NIPAL3: variants seen among roughly 807,000 people sequenced by gnomAD.
NIPAL3 encodes the protein NIPA-like protein 3.
NIPAL3 carries 41 observed loss-of-function variants against 47.2 expected under a neutral mutation model. The ratio of observed to expected loss-of-function variants is 0.87; its 90% CI spans 0.68 to 1.13. The LOEUF (loss-of-function observed/expected upper bound fraction) is 1.13. NIPAL3 is among the 50% of genes most tolerant of loss of function. NIPAL3 has a pLI of 0.00. For synonymous variants in NIPAL3, 194 were observed against 209.6 expected (o/e 0.93, Z 0.64); for missense variants, 449 against 530.1 (o/e 0.85, Z 1.50).
intron 2 of NIPAL3, among the ~76,000 whole-genome samples, chr1:24,431,367 G>A (rs144383187): frequency 2.4e-4 from 37 of 152,252 alleles, no homozygotes; most frequent in African/African-American, 8.9e-4. Context: ...AAATGAGAAA[G>A]CGGAACATAC....
intron 2 of NIPAL3, among the ~76,000 whole-genome samples, chr1:24,425,333 C>G (rs1164335246): frequency 1.3e-5 from 2 of 152,032 alleles, no homozygotes; most frequent in African/African-American, 4.8e-5. Flanking sequence ...TTTTTAAGCT[C>G]ATCAGTGGCT....
chr1:24,416,467 G>A lies in NIPAL3; in HGVS notation c.-258+563G>A, dbSNP rs533783754. ...GATTTGTTCAGAAAGAGGCAAATTC[G>A]AATACAGACGCTATGAGCCACGGCT... On this transcript the variant is annotated intron_variant, in intron 1 of 11. Transcript: ENST00000374399. The surrounding 1 kb of genome is among the most constrained non-coding windows in gnomAD (Gnocchi z 4.8). The A allele has an allele frequency of 5.8e-5, 21 of 359,278 alleles. No individual in the cohort carries two copies. The highest frequency in any genetic ancestry group is 8.1e-5 in the Non-Finnish European group (21 of 257,908). The allele number at this position is 359,278 out of a possible 1,614,324, so 22.3% of individuals were successfully genotyped here. A position where few individuals can be genotyped will look rare whatever the true frequency, so the allele number is the denominator to read the frequency against.
In NIPAL3 at chr1:24,466,087, T is replaced by G. The variant is rs748635850; in HGVS notation, c.1021+1967T>G. ...ACCACATCACAATTTGGAGAGCCTT[T>G]GAGTAATTCAAGCACCTGAAAGACT... is the stretch of plus-strand genomic sequence containing the variant. On this transcript the variant is annotated intron_variant, in intron 11 of 11. Transcript: ENST00000374399. 1.9e-6 allele frequency: 3 copies of G among 1,611,144 alleles called. No individual in the cohort carries two copies. The South Asian group carries it at 3.3e-5, about 18-fold the overall frequency.
At position 24,472,488 on chromosome 1, in the gene NIPAL3, A is replaced by G. The variant is rs1646937500; in HGVS notation, c.*3303A>G. 1 of 152,166 alleles carries G rather than the reference A, an allele frequency of 6.6e-6. No individual in the cohort carries two copies. The highest frequency in any genetic ancestry group is 6.5e-5 in the Admixed American group (1 of 15,268). 9.4% of individuals were successfully genotyped at this position (152,166 alleles called of 1,614,324 possible). ...TCCCCAAGCCCTCTTGAATGTTGCA[A>G]GCAATGTTAAATATCACACCTCGGT... On this transcript the variant is annotated 3_prime_UTR_variant, in exon 12 of 12. Coordinates refer to ENST00000374399, the MANE Select transcript of NIPAL3 (RefSeq NM_020448.5).
chr1:24,423,703 G>A (rs765028563), intron 2 of NIPAL3, among the ~76,000 whole-genome samples: 3 of 152,194 alleles, frequency 2.0e-5, no homozygotes, highest in Non-Finnish European at 4.4e-5. Context: ...TTGGTTAGAA[G>A]CAGAGGGCAT....
chr1:24,443,507 C>T (rs570256046), intron 4 of NIPAL3, among the ~76,000 whole-genome samples: 9 of 152,312 alleles, frequency 5.9e-5, no homozygotes, highest in Non-Finnish European at 8.8e-5. Flanking sequence ...AGGCAGACAT[C>T]GTTAATCAAT....
intron 2 of NIPAL3, among the ~76,000 whole-genome samples, chr1:24,434,227 G>T (rs1645001736): frequency 6.6e-6 from 1 of 151,892 alleles, no homozygotes; most frequent in South Asian, 2.1e-4. Flanking sequence ...GACACAAATA[G>T]ATTGAAAGTA....
intron 6 of NIPAL3, 60 bp from the exon 7 acceptor site, chr1:24,453,348 C>T (rs1392821654): frequency 1.6e-6 from 2 of 1,219,344 alleles, no homozygotes; most frequent in Non-Finnish European, 2.4e-6. Context: ...CCACCAGGGT[C>T]TCCCGGTCTC....
rs994533119 is a variant in NIPAL3, at chr1:24,449,593, G to T, written c.507G>T (p.Arg169Ser). 5 of 1,613,960 alleles carry T rather than the reference G, an allele frequency of 3.1e-6. No homozygotes were observed. The highest frequency in any genetic ancestry group is 4.2e-6 in the Non-Finnish European group (5 of 1,180,004). Residue 169 changes from arginine (R) to serine (S), a missense_variant, in exon 6 of 12, where the codon AGG (arginine) becomes AGT (serine). By Grantham distance (110) the Arg-to-Ser change is moderately radical. Transcript: ENST00000374399. This position sits in a 1 kb window ranked among gnomAD's most constrained non-coding sequence, Gnocchi z 4.5. ...HEKMTGENVT[R>S]HLVSWPFLLY... The stretch of plus-strand genomic sequence containing the variant: ...AGATGACAGGCGAGAATGTCACCAG[G>T]CACCTCGTGAGCTGGCCTTTCCTTT...
chr1:24,419,364 G>A lies in NIPAL3; in HGVS notation c.-184G>A. The A allele has an allele frequency of 7.7e-7, 1 of 1,302,770 alleles. No individual in the cohort carries two copies. 80.7% of individuals were successfully genotyped at this position (1,302,770 alleles called of 1,614,324 possible). On this transcript the variant is annotated 5_prime_UTR_variant, in exon 2 of 12. It adds an upstream start codon to the 5' untranslated region. Transcript: ENST00000374399. ...GCCACGGAAATTGGCACTTCTCTGA[G>A]TGAAGCTGAGGAGAAGGCTGTAAAT...
At chr1:24,468,706 G>A (rs937850058) in intron 11 of NIPAL3, among the ~76,000 whole-genome samples, 6 of 152,136 alleles carry the variant, frequency 3.9e-5, no homozygotes, top group Admixed American at 3.9e-4. Context: ...GGCCCACACC[G>A]ACATTCCCAC....
chr1:24,444,702 G>A (rs1475610569), intron 4 of NIPAL3, among the ~76,000 whole-genome samples: 1 of 152,142 alleles, frequency 6.6e-6, no homozygotes, highest in Admixed American at 6.5e-5. Context: ...ATCTGTGAAC[G>A]TGTAAGAGCC....
rs1646823962 is a variant in NIPAL3, at chr1:24,469,184, G to A, written c.1220G>A (p.Ter407=). The change falls in exon 12 of 12, where the codon TGA becomes TAA. Residue 407 remains the stop codon, a stop_retained_variant. Coordinates refer to ENST00000374399, the MANE Select transcript of NIPAL3 (RefSeq NM_020448.5). ...GTCCTAGAGCACACCAAGAAGGAAT[G>A]AGACTCGCCTCCCTCTATTTATAAC... ...YRVLEHTKKE[*] 1.2e-6 allele frequency: 2 copies of A among 1,612,914 alleles called. No individual in the cohort carries two copies. The highest frequency in any genetic ancestry group is 1.7e-5 in the Admixed American group (1 of 59,964).
upstream of NIPAL3, chr1:24,415,164 A>G (rs1031373463): frequency 6.6e-6 from 1 of 152,238 alleles, no homozygotes; most frequent in African/African-American, 2.4e-5. Context: ...GTAAAACTCC[A>G]TGCGCATGTT....
At chr1:24,441,387 CATG>C (rs1312212392) in intron 3 of NIPAL3, among the ~76,000 whole-genome samples, 3 of 152,330 alleles carry the variant, frequency 2.0e-5, no homozygotes, top group Non-Finnish European at 4.4e-5. Flanking sequence ...CAGCCCACAT[CATG>C]ATCCTCCCCA....
chr1:24,415,089 C>T (rs1643957422), upstream of NIPAL3: 1 of 152,174 alleles, frequency 6.6e-6, no homozygotes, highest in African/African-American at 2.4e-5. Flanking sequence ...TCACTCATGG[C>T]TGTGACGATC....
intron 5 of NIPAL3, among the ~76,000 whole-genome samples, chr1:24,445,579 T>C (rs766595765): frequency 9.2e-5 from 14 of 152,206 alleles, no homozygotes; most frequent in Non-Finnish European, 2.1e-4. Flanking sequence ...CAAACACAGA[T>C]GATCAGAAGT....
Position 24,469,593 on chromosome 1 carries a change from C to T in NIPAL3, c.*408C>T, listed in dbSNP as rs114858366. 9 of 170,756 alleles carry T rather than the reference C, an allele frequency of 5.3e-5. No homozygotes were observed. The highest frequency in any genetic ancestry group is 2.1e-4 in the African/African-American group (9 of 42,172). 10.6% of individuals were successfully genotyped at this position (170,756 alleles called of 1,614,324 possible). ...CGAAAGGCTGGACATCTCTAAATCT[C>T]GTCTTCCTCCACCTCATGTGCATGC... On this transcript the variant is annotated 3_prime_UTR_variant, in exon 12 of 12. Coordinates refer to ENST00000374399, the MANE Select transcript of NIPAL3 (RefSeq NM_020448.5).
rs1553133242 is a variant in NIPAL3, at chr1:24,428,304, C to CAGAG, written c.93+8665_93+8666insGAGA. Among the ~76,000 whole-genome samples the CAGAG allele has an allele frequency of 1.2e-4, 12 of 103,128 alleles. No individual in the cohort carries two copies. In the South Asian group the frequency reaches 4.4e-3, roughly 38 times the overall value. The allele number at this position is 103,128 out of a possible 152,430, so 67.7% of individuals were successfully genotyped here. A position where few individuals can be genotyped will look rare whatever the true frequency, so the allele number is the denominator to read the frequency against. Reference sequence around the variant, plus strand: ...AGAGAGAGAGAGAGAGAGAGAGAGACACCAGAACCTTTCCCCAAAGCCAGC... The same window carrying CAGAG: ...AGAGAGAGAGAGAGAGAGAGAGAGACAGAGACCAGAACCTTTCCCCAAAGCCAGC... On this transcript the variant is annotated intron_variant, in intron 2 of 11. Transcript: ENST00000374399.
Sources: gnomAD v4.1 joint callset for allele counts (sites outside exome capture counted in the v4.1 genomes callset) on GRCh38, gnomAD v4.1.1 for gene constraint, Gnocchi (gnomAD v3.1) non-coding constraint, MANE v1.5 for transcripts, NCBI Gene and HGNC (gene_info 2026-07-23, HGNC 2026-07-21) for gene names.